Variants in POR observed in about 807,000 individuals in gnomAD.
POR encodes the protein NADPH--cytochrome P450 reductase.
In POR, 56 loss-of-function variants were observed where a neutral mutation model predicts 84.0. That is an observed-to-expected ratio of 0.67 (90% CI 0.54 to 0.83). POR has a LOEUF of 0.83. Among genes scored for constraint, POR ranks in the 40% least tolerant of loss-of-function variants. The pLI, the probability that POR is intolerant of heterozygous loss-of-function variation, is 0.00. For missense variants in POR, 938 were observed against 944.3 expected (o/e 0.99, Z 0.09); for synonymous variants, 414 against 400.5 (o/e 1.03, Z -0.40).
At chr7:75,958,813 C>A (rs1270045643) in intron 2 of POR, among the ~76,000 whole-genome samples, 1 of 151,862 alleles carries the variant, frequency 6.6e-6, no homozygotes, top group Non-Finnish European at 1.5e-5. Flanking sequence ...ACCCCCACCC[C>A]CCCGCCATCT....
chr7:75,986,360 A>T lies in POR; in HGVS notation c.1922A>T (p.Asp641Val), dbSNP rs1453339030. Residue 641 changes from aspartate (D) to valine (V), a missense_variant, in exon 16 of 16, where the codon GAT (aspartate) becomes GTT (valine). Physicochemically the swap from Asp to Val is radical, Grantham distance 152. Transcript: ENST00000461988. Reference sequence around the variant, plus strand: ...AGGGATGCACGGAACATGGCCAGGGATGTGCAGAACACCTTCTACGACATC... The same window carrying T: ...AGGGATGCACGGAACATGGCCAGGGTTGTGCAGAACACCTTCTACGACATC... The T allele has an allele frequency of 6.2e-7, 1 of 1,612,318 alleles. No individual in the cohort carries two copies. The highest frequency in any genetic ancestry group is 8.5e-7 in the Non-Finnish European group (1 of 1,179,804).
Position 75,985,933 on chromosome 7 carries a change from G to T in POR, c.1680G>T (p.Val560=), listed in dbSNP as rs782786537. The T allele has an allele frequency of 1.9e-6, 3 of 1,587,296 alleles. No homozygotes were observed. The highest frequency in any genetic ancestry group is 1.3e-5 in the African/African-American group (1 of 74,680). ...GCCCCTGCCACGCAGGCAAGGAGGT[G>T]GGGGAGACGCTGCTGTACTACGGCT... The change falls in exon 14 of 16, where the codon GTG becomes GTT. Residue 560 remains valine, a synonymous_variant. Coordinates refer to ENST00000461988, the MANE Select transcript of POR (RefSeq NM_000941.3).
At chr7:75,977,149 G>A (rs1396913786) in intron 3 of POR, among the ~76,000 whole-genome samples, 3 of 152,062 alleles carry the variant, frequency 2.0e-5, no homozygotes, top group South Asian at 4.1e-4. Context: ...CACGGCACCC[G>A]GCCGCGTAAG....
chr7:75,920,635 G>A (rs1554548688), intron 1 of POR, among the ~76,000 whole-genome samples: 3 of 152,092 alleles, frequency 2.0e-5, no homozygotes, highest in Non-Finnish European at 4.4e-5. Context: ...CGGTGGTGAT[G>A]CCGGTGTTCT....
chr7:75,937,300 A>AG (rs1328667094), intron 1 of POR, among the ~76,000 whole-genome samples: 2 of 148,248 alleles, frequency 1.3e-5, no homozygotes, highest in African/African-American at 5.0e-5. Context: ...ACAAAAAAAA[A>AG]AAAAAAACAA....
chr7:75,973,988 T>TA (rs1166094711), intron 3 of POR, among the ~76,000 whole-genome samples: 1,490 of 148,858 alleles, frequency 0.01, 21 homozygotes, highest in African/African-American at 0.031. Flanking sequence ...GACCTTGCTT[T>TA]AAAAAAAAAA....
chr7:75,958,156 G>A (rs919373886), intron 2 of POR, among the ~76,000 whole-genome samples: 3 of 152,128 alleles, frequency 2.0e-5, no homozygotes, highest in Non-Finnish European at 4.4e-5. Flanking sequence ...TCACTCTGTC[G>A]TTCAGGCTGG....
intron 12 of POR, 172 bp downstream of exon 12, chr7:75,985,379 T>A: frequency 8.8e-7 from 1 of 1,141,962 alleles, no homozygotes; most frequent in Non-Finnish European, 1.2e-6. Context: ...GGCTGGCTTG[T>A]GAGATTCTCA....
chr7:75,970,194 C>G (rs782525374), intron 2 of POR, among the ~76,000 whole-genome samples: 1 of 152,046 alleles, frequency 6.6e-6, no homozygotes, highest in Non-Finnish European at 1.5e-5. Flanking sequence ...CTGCTGGGGT[C>G]CCCTTACTCA....
intron 1 of POR, among the ~76,000 whole-genome samples, chr7:75,934,808 C>A (rs1554550602): frequency 6.6e-6 from 1 of 152,188 alleles, no homozygotes; most frequent in African/African-American, 2.4e-5. Context: ...GCCTTGGCCG[C>A]TTCAATGTGG....
chr7:75,937,304 A>C (rs1439308035), intron 1 of POR, among the ~76,000 whole-genome samples: 1 of 150,718 alleles, frequency 6.6e-6, no homozygotes, highest in East Asian at 2.0e-4. Context: ...AAAAAAAAAA[A>C]AAACAAAAAA....
chr7:75,982,102 TGTC>T (rs1340049631), intron 7 of POR, 119 bp from the exon 8 acceptor site: 3 of 721,134 alleles, frequency 4.2e-6, no homozygotes, highest in Non-Finnish European at 7.5e-6. Context: ...CCCTGCTTCT[TGTC>T]GTATGTACCT....
intron 2 of POR, among the ~76,000 whole-genome samples, chr7:75,954,402 TCACAGGAAG>T (rs1787590994): frequency 6.6e-6 from 1 of 152,140 alleles, no homozygotes; most frequent in African/African-American, 2.4e-5. Context: ...TATATGACCT[TCACAGGAAG>T]CACTGCGAAA....
chr7:75,986,580 A>C lies in POR; in HGVS notation c.*99A>C. The C allele has an allele frequency of 7.0e-7, 1 of 1,435,866 alleles. No homozygotes were observed. The highest frequency in any genetic ancestry group is 9.4e-7 in the Non-Finnish European group (1 of 1,065,316). 88.9% of individuals were successfully genotyped at this position (1,435,866 alleles called of 1,614,324 possible). ...TGGGTGTGTTTGGCTTGGCCTTGGCATGGGCGCAGGCCCAGTGACAAAGAC... is the reference window on the plus strand; with the variant it reads ...TGGGTGTGTTTGGCTTGGCCTTGGCCTGGGCGCAGGCCCAGTGACAAAGAC... On this transcript the variant is annotated 3_prime_UTR_variant, in exon 16 of 16. Coordinates refer to ENST00000461988, the MANE Select transcript of POR (RefSeq NM_000941.3).
At position 75,982,256 on chromosome 7, in the gene POR, A is replaced by G. The variant is rs985515113; in HGVS notation, c.764A>G (p.Asp255Gly). ...CAGTACGAGCTTGTGGTCCACACCG[A>G]CATAGATGCGGCCAAGGTGTACATG... The change falls in exon 8 of 16, where the codon GAC becomes GGC. Residue 255 changes from aspartate to glycine, a missense_variant. Transcript: ENST00000461988. The G allele has an allele frequency of 4.3e-6, 7 of 1,612,730 alleles. No individual in the cohort carries two copies. The highest frequency in any genetic ancestry group is 5.9e-6 in the Non-Finnish European group (7 of 1,179,598).
chr7:75,982,285 G>C lies in POR; in HGVS notation c.793G>C (p.Glu265Gln), dbSNP rs782534601. Residue 265 changes from glutamate to glutamine, a missense_variant, in exon 8 of 16, where the codon GAG becomes CAG. Glu to Gln is a conservative substitution (Grantham distance 29). Coordinates refer to ENST00000461988, the MANE Select transcript of POR (RefSeq NM_000941.3). ...AGATGCGGCCAAGGTGTACATGGGG[G>C]AGATGGGCCGGCTGAAGAGCTACGA... 1 of 1,612,818 alleles carries C rather than the reference G, an allele frequency of 6.2e-7. No individual in the cohort carries two copies. Among genetic ancestry groups the C allele is most frequent in the Non-Finnish European group, 8.5e-7 (1 of 1,179,530 alleles).
intron 4 of POR, 31 bp from the exon 5 acceptor site, chr7:75,980,308 C>T: frequency 2.5e-6 from 4 of 1,601,916 alleles, no homozygotes; most frequent in Non-Finnish European, 3.4e-6. Flanking sequence ...TCAGTCATGG[C>T]CGGGGCGCGG....
chr7:75,974,307 G>T (rs1788574697), intron 3 of POR, among the ~76,000 whole-genome samples: 1 of 152,066 alleles, frequency 6.6e-6, no homozygotes, highest in Non-Finnish European at 1.5e-5. Flanking sequence ...CCCCGTAGGA[G>T]TCACACCGTG....
chr7:75,958,383 G>T (rs1787776299), intron 2 of POR, among the ~76,000 whole-genome samples: 1 of 152,072 alleles, frequency 6.6e-6, no homozygotes, highest in African/African-American at 2.4e-5. Flanking sequence ...CTCCCAAAGT[G>T]CTGGGATTAC....
Sources: allele counts gnomAD v4.1 joint callset (sites outside exome capture counted in the v4.1 genomes callset), GRCh38; gene constraint gnomAD v4.1.1; transcripts MANE v1.5; gene names NCBI Gene and HGNC (gene_info 2026-07-23, HGNC 2026-07-21).